Variants in RPS6KA5 observed in about 807,000 individuals in gnomAD.
RPS6KA5 encodes the protein ribosomal protein S6 kinase alpha-5.
In RPS6KA5, 27 loss-of-function variants were observed where a neutral mutation model predicts 85.5. The observed-to-expected ratio is 0.32, with a 90% CI of 0.23 to 0.44. RPS6KA5 has a LOEUF of 0.44. Among genes scored for constraint, RPS6KA5 ranks in the 20% least tolerant of loss-of-function variants. The probability of loss-of-function intolerance (pLI) is 1.00; values close to 1 mark genes in which losing one functional copy is unlikely to be tolerated. For missense variants in RPS6KA5, 811 were observed against 980.9 expected, an observed-to-expected ratio of 0.83 and a Z score of 2.31; for synonymous variants, 334 against 348.2, an observed-to-expected ratio of 0.96 and a Z score of 0.46.
intron 5 of RPS6KA5, among the ~76,000 whole-genome samples, chr14:90,924,407 C>A (rs539484558): frequency 6.6e-6 from 1 of 152,014 alleles, no homozygotes; most frequent in Non-Finnish European, 1.5e-5. Flanking sequence ...ATAATTCTAC[C>A]AAGAAGACAA....
chr14:91,001,330 T>C (rs2040785795), intron 1 of RPS6KA5, among the ~76,000 whole-genome samples, 171 bp from the exon 2 acceptor site: 1 of 152,200 alleles, frequency 6.6e-6, no homozygotes, highest in Non-Finnish European at 1.5e-5. Context: ...AATTTCTGTA[T>C]GTTATGCATT....
chr14:90,897,871 A>G (rs2034926693), intron 12 of RPS6KA5, among the ~76,000 whole-genome samples: 1 of 152,168 alleles, frequency 6.6e-6, no homozygotes, highest in Admixed American at 6.5e-5. Flanking sequence ...TATCATCTTC[A>G]ACAGGAGACT....
chr14:91,016,232 TA>T (rs1483875994), intron 1 of RPS6KA5, among the ~76,000 whole-genome samples: 3 of 152,176 alleles, frequency 2.0e-5, no homozygotes, highest in Non-Finnish European at 2.9e-5. Flanking sequence ...TGCTCACTGG[TA>T]AACTAATTTT....
At chr14:90,937,121 G>A (rs2037301239) in intron 5 of RPS6KA5, among the ~76,000 whole-genome samples, 2 of 152,194 alleles carry the variant, frequency 1.3e-5, no homozygotes, top group South Asian at 2.1e-4. Flanking sequence ...CAGTGAGAGA[G>A]AGAAGGAAAG....
chr14:91,030,831 G>C (rs944261174), intron 1 of RPS6KA5, among the ~76,000 whole-genome samples: 3 of 151,800 alleles, frequency 2.0e-5, no homozygotes, highest in Non-Finnish European at 2.9e-5. Flanking sequence ...TAAAGGTCTA[G>C]ATAATAAAGT....
intron 5 of RPS6KA5, among the ~76,000 whole-genome samples, chr14:90,941,946 A>G (rs1400963625): frequency 6.6e-6 from 1 of 152,188 alleles, no homozygotes; most frequent in Non-Finnish European, 1.5e-5. Context: ...AAAAGTTTTA[A>G]AAATCAAATT....
chr14:90,948,674 G>T (rs574019636), intron 3 of RPS6KA5, among the ~76,000 whole-genome samples: 1 of 149,898 alleles, frequency 6.7e-6, no homozygotes, highest in Admixed American at 6.6e-5. Flanking sequence ...CAGCCTGGGC[G>T]AAAGAGTGAG....
chr14:90,920,144 G>A (rs1049264515), intron 7 of RPS6KA5, 62 bp downstream of exon 7: 32 of 1,051,790 alleles, frequency 3.0e-5, no homozygotes, highest in Admixed American at 5.1e-5. Context: ...CAGCCTAACC[G>A]CAGAAATGTG....
intron 1 of RPS6KA5, among the ~76,000 whole-genome samples, chr14:91,050,765 A>G (rs1595561067): frequency 1.3e-5 from 2 of 151,818 alleles, no homozygotes; most frequent in Admixed American, 1.3e-4. Context: ...TTAAAAAAAT[A>G]AAAATAAAAA....
chr14:90,889,707 A>C (rs1750997278), intron 14 of RPS6KA5, among the ~76,000 whole-genome samples: 1 of 152,206 alleles, frequency 6.6e-6, no homozygotes, highest in Admixed American at 6.5e-5. Flanking sequence ...GGTATAATAT[A>C]ATCTTATTTG....
chr14:91,038,342 G>A (rs2042478299), intron 1 of RPS6KA5, among the ~76,000 whole-genome samples: 1 of 152,230 alleles, frequency 6.6e-6, no homozygotes, highest in African/African-American at 2.4e-5. Flanking sequence ...TCACACAGGT[G>A]TGGGAGTTGG....
At chr14:90,995,200 A>T (rs1279124704) in intron 2 of RPS6KA5, among the ~76,000 whole-genome samples, 1 of 151,500 alleles carries the variant, frequency 6.6e-6, no homozygotes, top group South Asian at 2.1e-4. Context: ...TAATTTTTGT[A>T]TTTTTAGTAG....
chr14:90,878,182 T>G (rs2033602857), intron 14 of RPS6KA5, among the ~76,000 whole-genome samples: 1 of 152,208 alleles, frequency 6.6e-6, no homozygotes, highest in Non-Finnish European at 1.5e-5. Flanking sequence ...TATCACTGTA[T>G]CCCCTGAACC....
chr14:91,030,600 C>A (rs1595510908), intron 1 of RPS6KA5, among the ~76,000 whole-genome samples: 3 of 23,130 alleles, frequency 1.3e-4, no homozygotes, highest in Non-Finnish European at 1.7e-4. Flanking sequence ...TGCAAGACAC[C>A]AAAATAAACA....
rs1332476359 is a variant in RPS6KA5, at chr14:91,060,396, C to A, written c.39G>T (p.Gly13=). The A allele has an allele frequency of 9.3e-6, 14 of 1,508,166 alleles. No individual in the cohort carries two copies. Among genetic ancestry groups the A allele is most frequent in the Non-Finnish European group, 1.1e-5 (12 of 1,122,672 alleles). 93.4% of individuals were successfully genotyped at this position (1,508,166 alleles called of 1,614,324 possible). Residue 13 remains glycine (G), a synonymous_variant, in exon 1 of 17, where the codon GGG becomes GGT. Transcript: ENST00000614987. ...CTCCGTCGCCGCCGTCCGCGCTGGT[C>A]CCCGCGGCGCCGCCGCTGCTGCCAC... ...EEGGSSGGAA[G]TSADGGDGGE...
At chr14:90,984,099 G>C (rs1826520534) in intron 2 of RPS6KA5, among the ~76,000 whole-genome samples, 1 of 152,164 alleles carries the variant, frequency 6.6e-6, no homozygotes, top group South Asian at 2.1e-4. Flanking sequence ...ACCCGCCTTG[G>C]CTTCCCAAAG....
At chr14:90,965,344 A>T (rs1820052196) in intron 3 of RPS6KA5, among the ~76,000 whole-genome samples, 1 of 152,196 alleles carries the variant, frequency 6.6e-6, no homozygotes, top group Non-Finnish European at 1.5e-5. Flanking sequence ...ATGGCACTAC[A>T]GCCTGAGCGA....
At chr14:90,991,304 A>G (rs536606109) in intron 2 of RPS6KA5, among the ~76,000 whole-genome samples, 4 of 152,354 alleles carry the variant, frequency 2.6e-5, no homozygotes, top group African/African-American at 7.2e-5. Context: ...GAATCCATGC[A>G]TAAGGTAAAA....
intron 3 of RPS6KA5, among the ~76,000 whole-genome samples, chr14:90,969,958 T>C (rs77722158): frequency 2.0e-5 from 3 of 152,208 alleles, no homozygotes; most frequent in East Asian, 3.9e-4. Context: ...TGAACTCCCA[T>C]ACCTCCTGTT....
Sources: allele counts gnomAD v4.1 joint callset (sites outside exome capture counted in the v4.1 genomes callset), GRCh38; gene constraint gnomAD v4.1.1; transcripts MANE v1.5; gene names NCBI Gene and HGNC (gene_info 2026-07-23, HGNC 2026-07-21).